Variants in PLXNA4 observed in about 807,000 individuals in gnomAD.
PLXNA4 encodes the protein plexin-A4.
In PLXNA4, 44 loss-of-function variants were observed where a neutral mutation model predicts 191.8. That is an observed-to-expected ratio of 0.23 (90% CI 0.18 to 0.29). The LOEUF (loss-of-function observed/expected upper bound fraction) is 0.29, where lower values mean the gene tolerates loss of function less well. PLXNA4 is among the 10% of genes least tolerant of loss of function. PLXNA4 has a pLI of 1.00. For missense variants in PLXNA4, 1,800 were observed against 2,488.8 expected (o/e 0.72, Z 5.89); for synonymous variants, 1,082 against 1,009.5 (o/e 1.07, Z -1.36).
At chr7:132,393,099 C>T (rs905976740) in intron 3 of PLXNA4, among the ~76,000 whole-genome samples, 5 of 151,634 alleles carry the variant, frequency 3.3e-5, no homozygotes, top group Admixed American at 1.3e-4. Context: ...TTTTCTCATG[C>T]TGTTCCTCAT....
Position 132,554,330 on chromosome 7 carries a change from G to A in PLXNA4, c.-87+22092C>T, listed in dbSNP as rs190071296. 2.6e-3 allele frequency among the ~76,000 whole-genome samples: 391 copies of A among 152,264 alleles called. 1 individual carries two copies. Among genetic ancestry groups the A allele is most frequent in the Non-Finnish European group, 4.4e-3 (302 of 68,028 alleles). On this transcript the variant is annotated intron_variant, in intron 1 of 31. Coordinates refer to ENST00000321063, the MANE Select transcript of PLXNA4 (RefSeq NM_020911.2). ...GAGAAGCAATGGCAAATCTCCCCAT[G>A]GTGTGCTATGTGGTGGAAAGACCAC...
chr7:132,142,887 C>T (rs139732542), intron 29 of PLXNA4, among the ~76,000 whole-genome samples: 3 of 152,324 alleles, frequency 2.0e-5, no homozygotes, highest in African/African-American at 4.8e-5. Flanking sequence ...TTTGCTCTGC[C>T]GGTTGTTTCT....
chr7:132,241,201 T>A (rs778579667), intron 4 of PLXNA4, 35 bp from the exon 5 acceptor site: 3 of 1,524,092 alleles, frequency 2.0e-6, no homozygotes, highest in Non-Finnish European at 2.7e-6. Context: ...GTGGTCAAGA[T>A]TTTGCAGAAC....
intron 2 of PLXNA4, among the ~76,000 whole-genome samples, chr7:132,624,914 G>C (rs1397644668): frequency 6.6e-6 from 1 of 152,070 alleles, no homozygotes; most frequent in Non-Finnish European, 1.5e-5. Flanking sequence ...AACCACCCAA[G>C]TCCTCAGACT....
rs771594558 is a variant in PLXNA4 at position 132,508,139 on chromosome 7, A to T, written c.555T>A (p.Ile185=). The change falls in exon 2 of 32, where the codon ATT becomes ATA. Residue 185 remains isoleucine (I), a synonymous_variant. Transcript: ENST00000321063. This position sits in a 1 kb window ranked among gnomAD's most constrained non-coding sequence, Gnocchi z 4.4. ...SYSNLDDKLF[I]ATAVDGKPEY... ...CGGGCTTCCCATCCACTGCCGTGGC[A>T]ATGAACAGCTTGTCATCCAGGTTGC... 6.2e-7 allele frequency: 1 copy of T among 1,614,178 alleles called. No homozygotes were observed. Among genetic ancestry groups the T allele is most frequent in the Non-Finnish European group, 8.5e-7 (1 of 1,180,040 alleles).
intron 1 of PLXNA4, among the ~76,000 whole-genome samples, chr7:132,562,983 C>T (rs1389607119): frequency 8.8e-5 from 5 of 56,548 alleles, no homozygotes; most frequent in East Asian, 5.1e-4. Flanking sequence ...CCTCCTCCTC[C>T]TTCTCCTCCT....
At chr7:132,360,061 T>C (rs867349389) in intron 3 of PLXNA4, among the ~76,000 whole-genome samples, 15 of 152,246 alleles carry the variant, frequency 9.9e-5, no homozygotes, top group African/African-American at 3.6e-4. Flanking sequence ...GTAATTATAA[T>C]GTTTAACAAA....
At chr7:132,555,950 C>T (rs745694209) in intron 1 of PLXNA4, among the ~76,000 whole-genome samples, 6 of 152,238 alleles carry the variant, frequency 3.9e-5, no homozygotes, top group Admixed American at 6.5e-5. Context: ...GAAATGCCAT[C>T]CAGGCATCTC....
intron 3 of PLXNA4, chr7:132,484,965 C>T (rs1279538713): frequency 1.2e-6 from 2 of 1,614,216 alleles, no homozygotes; most frequent in Non-Finnish European, 1.7e-6. Context: ...TCTCCCTCCA[C>T]TCCAATCCAC....
chr7:132,402,884 C>A (rs1349090425), intron 3 of PLXNA4, among the ~76,000 whole-genome samples: 2 of 152,232 alleles, frequency 1.3e-5, no homozygotes, highest in Admixed American at 1.3e-4. Flanking sequence ...CTGAGCACGC[C>A]CACCCATTGA....
chr7:132,261,763 G>A (rs2116250089), intron 4 of PLXNA4, among the ~76,000 whole-genome samples: 1 of 152,322 alleles, frequency 6.6e-6, no homozygotes, highest in East Asian at 1.9e-4. Flanking sequence ...CCTCTGGGTA[G>A]CAGCCACTCT....
Position 132,234,596 on chromosome 7 carries a change from TTGTGTGTG to T in PLXNA4, c.1605-6135_1605-6128del, listed in dbSNP as rs60249306. Reference sequence around the variant, plus strand: ...ATTCTCTGGTCATGAAGCATGTGTTTTGTGTGTGTGTGTGTGTGTGTGTGTGTGTGTGT... The same window carrying T: ...ATTCTCTGGTCATGAAGCATGTGTTTTGTGTGTGTGTGTGTGTGTGTGTGT... On this transcript the variant is annotated intron_variant, in intron 5 of 31. Coordinates refer to ENST00000321063, the MANE Select transcript of PLXNA4 (RefSeq NM_020911.2). Among the ~76,000 whole-genome samples the T allele has an allele frequency of 2.4e-3, 341 of 144,254 alleles. 1 individual carries two copies. The highest frequency in any genetic ancestry group is 7.9e-3 in the African/African-American group (307 of 38,678). 94.6% of individuals were successfully genotyped at this position (144,254 alleles called of 152,430 possible).
upstream of PLXNA4, among the ~76,000 whole-genome samples, chr7:132,578,581 G>C (rs1375435761): frequency 1.3e-5 from 2 of 152,190 alleles, no homozygotes; most frequent in Non-Finnish European, 2.9e-5. Context: ...AAGGAGCTGT[G>C]AGATGACAGC....
At chr7:132,536,846 G>A (rs996315444) in intron 1 of PLXNA4, among the ~76,000 whole-genome samples, 18 of 152,242 alleles carry the variant, frequency 1.2e-4, no homozygotes, top group Non-Finnish European at 2.4e-4. Context: ...AGTTAGGGCA[G>A]AAAGAGACAG....
At chr7:132,252,534 C>T (rs1026195112) in intron 4 of PLXNA4, among the ~76,000 whole-genome samples, 1 of 151,996 alleles carries the variant, frequency 6.6e-6, no homozygotes, top group Non-Finnish European at 1.5e-5. Context: ...ATCTTCTGAC[C>T]TCGTGATCCA....
chr7:132,393,979 AC>A (rs948476934), intron 3 of PLXNA4, among the ~76,000 whole-genome samples: 1 of 117,140 alleles, frequency 8.5e-6, no homozygotes, highest in Admixed American at 8.8e-5. Flanking sequence ...TTTGCACCCC[AC>A]CCTCTTTTTT....
chr7:132,325,214 T>C (rs1802312632), intron 3 of PLXNA4, among the ~76,000 whole-genome samples: 1 of 152,222 alleles, frequency 6.6e-6, no homozygotes, highest in Non-Finnish European at 1.5e-5. Context: ...TAACAGTTTC[T>C]CTGGACCTGG....
intron 9 of PLXNA4, among the ~76,000 whole-genome samples, chr7:132,217,635 G>A (rs770144293): frequency 9.2e-5 from 14 of 152,090 alleles, no homozygotes; most frequent in Non-Finnish European, 1.8e-4. Flanking sequence ...CAGAACCACA[G>A]TGCCCAATAC....
At chr7:132,448,480 A>C (rs1460969581) in intron 3 of PLXNA4, among the ~76,000 whole-genome samples, 1 of 152,218 alleles carries the variant, frequency 6.6e-6, no homozygotes, top group Non-Finnish European at 1.5e-5. Flanking sequence ...GAGGGTGCCC[A>C]GTCATGTGGT....
Sources: gnomAD v4.1 joint callset for allele counts (sites outside exome capture counted in the v4.1 genomes callset) on GRCh38, gnomAD v4.1.1 for gene constraint, Gnocchi (gnomAD v3.1) non-coding constraint, MANE v1.5 for transcripts, NCBI Gene and HGNC (gene_info 2026-07-23, HGNC 2026-07-21) for gene names.